ECE1: variants seen among roughly 807,000 people sequenced by gnomAD.
The protein encoded by ECE1 is endothelin-converting enzyme 1.
ECE1 carries 35 observed loss-of-function variants against 98.6 expected under a neutral mutation model. The observed-to-expected ratio is 0.35, with a 90% CI of 0.27 to 0.47. The LOEUF (loss-of-function observed/expected upper bound fraction) is 0.47, where lower values mean the gene tolerates loss of function less well. Among genes scored for constraint, ECE1 ranks in the 20% least tolerant of loss-of-function variants. The pLI is 1.00. For missense variants in ECE1, 814 were observed against 1,025.3 expected, an observed-to-expected ratio of 0.79 and a Z score of 2.81; for synonymous variants, 394 against 407.1, an observed-to-expected ratio of 0.97 and a Z score of 0.39.
chr1:21,342,667 T>C (rs1004357060), intron 1 of ECE1, among the ~76,000 whole-genome samples: 2 of 149,814 alleles, frequency 1.3e-5, no homozygotes, highest in African/African-American at 4.9e-5. Context: ...ACGCGCCGCA[T>C]TAGGAACCCA....
chr1:21,290,587 C>A (rs543707524), upstream of ECE1: 78 of 1,194,736 alleles, frequency 6.5e-5, no homozygotes, highest in African/African-American at 1.2e-3. The surrounding 1 kb of genome is among the most constrained non-coding windows in gnomAD (Gnocchi z 7.3). Context: ...GAGATGGGGA[C>A]CCCTCCCTTC....
At chr1:21,245,542 A>G (rs2098202242) in intron 9 of ECE1, among the ~76,000 whole-genome samples, 1 of 152,204 alleles carries the variant, frequency 6.6e-6, no homozygotes, top group African/African-American at 2.4e-5. Context: ...AGCTCAGCCC[A>G]GCCAGGCCAA....
rs71014186 is a variant in ECE1, at chr1:21,330,226, C to CTTTTTT, written c.3+15144_3+15149dup. 3.9e-4 allele frequency among the ~76,000 whole-genome samples: 17 copies of CTTTTTT among 43,404 alleles called. 3 individuals carry two copies. The highest frequency in any genetic ancestry group is 7.6e-4 in the Non-Finnish European group (15 of 19,678). The allele number at this position is 43,404 out of a possible 152,430, so 28.5% of individuals were successfully genotyped here. ...CTCCTGCCCACATACTCGCCAAATA[C>CTTTTTT]TTTTTTTTTTTTTTTTTTTTTTTTT... On this transcript the variant is annotated intron_variant, in intron 1 of 18. Coordinates refer to the ECE1 transcript ENST00000415912.
rs758955279 is a variant in ECE1, at chr1:21,233,683, C to T, written c.1567-22G>A. 37 of 1,607,746 alleles carry T rather than the reference C, an allele frequency of 2.3e-5. No individual in the cohort carries two copies. The highest frequency in any genetic ancestry group is 2.2e-4 in the Admixed American group (13 of 59,916). Reference sequence around the variant, plus strand: ...TGTACTAGAAAAGAAGAAGTGGAGTCAATCACAGTGTGCCCTCGGTGGTGT... The same window carrying T: ...TGTACTAGAAAAGAAGAAGTGGAGTTAATCACAGTGTGCCCTCGGTGGTGT... On this transcript the variant is annotated intron_variant, in intron 13 of 18. Coordinates refer to ENST00000374893, the MANE Select transcript of ECE1 (RefSeq NM_001397.3). The surrounding 1 kb of genome is among the most constrained non-coding windows in gnomAD (Gnocchi z 4.0).
intron 2 of ECE1, among the ~76,000 whole-genome samples, chr1:21,287,916 C>CT (rs1221814529): frequency 6.6e-6 from 1 of 151,712 alleles, no homozygotes; most frequent in Non-Finnish European, 1.5e-5. Context: ...ACTTGACTAT[C>CT]TTTTTTTCTC....
rs540408679 is a variant in ECE1, at chr1:21,228,844, CTTT to C, written c.1671-806_1671-804del. 9.3e-4 allele frequency among the ~76,000 whole-genome samples: 86 copies of C among 92,598 alleles called. 1 individual carries two copies. The highest frequency in any genetic ancestry group is 3.6e-3 in the African/African-American group (81 of 22,726). 60.7% of individuals were successfully genotyped at this position (92,598 alleles called of 152,430 possible). A position where few individuals can be genotyped will look rare whatever the true frequency, so the allele number is the denominator to read the frequency against. On this transcript the variant is annotated intron_variant, in intron 14 of 18. Coordinates refer to ENST00000374893, the MANE Select transcript of ECE1 (RefSeq NM_001397.3). ...TTGAAAAGTCACCACTGAAGAGTAT[CTTT>C]TTTTTTTTTTTTGAGACGGAGCTCA...
chr1:21,277,360 T>G (rs1444593764), intron 3 of ECE1, among the ~76,000 whole-genome samples: 1 of 152,210 alleles, frequency 6.6e-6, no homozygotes, highest in Admixed American at 6.5e-5. Flanking sequence ...AAGACATATC[T>G]TTGGAGCTCC....
At chr1:21,303,262 G>A (rs908607717) in intron 1 of ECE1, among the ~76,000 whole-genome samples, 2 of 152,224 alleles carry the variant, frequency 1.3e-5, no homozygotes, top group Admixed American at 1.3e-4. Flanking sequence ...CCGCCCAAGT[G>A]GCATAACCAT....
intron 10 of ECE1, among the ~76,000 whole-genome samples, chr1:21,244,064 G>C (rs567179648): frequency 6.6e-6 from 1 of 152,320 alleles, no homozygotes; most frequent in East Asian, 1.9e-4. Flanking sequence ...TCTGGGAAGG[G>C]CTGCAGGAGT....
At chr1:21,243,401 A>T (rs546243314) in intron 10 of ECE1, among the ~76,000 whole-genome samples, 147 of 44,450 alleles carry the variant, frequency 3.3e-3, no homozygotes, top group Non-Finnish European at 5.5e-3. Flanking sequence ...TAAATATATT[A>T]AAAAAAAAAA....
At chr1:21,249,041 T>C (rs1345964207) in intron 8 of ECE1, among the ~76,000 whole-genome samples, 1 of 152,050 alleles carries the variant, frequency 6.6e-6, no homozygotes, top group Admixed American at 6.6e-5. Flanking sequence ...TTCTAATTAT[T>C]GTTTTGTTAG....
At chr1:21,283,830 G>A (rs1209263254) in intron 2 of ECE1, among the ~76,000 whole-genome samples, 2 of 152,192 alleles carry the variant, frequency 1.3e-5, no homozygotes, top group African/African-American at 4.8e-5. Context: ...ATAGTTCCAG[G>A]CAAGAATGGC....
At chr1:21,279,069 C>T in intron 3 of ECE1, 122 bp downstream of exon 3, 1 of 1,556,662 alleles carries the variant, frequency 6.4e-7, no homozygotes, top group Non-Finnish European at 8.8e-7. Context: ...CCCCCTGGGC[C>T]TGGCTCCCTC....
At chr1:21,315,598 A>G (rs889036198) in intron 1 of ECE1, among the ~76,000 whole-genome samples, 2 of 152,132 alleles carry the variant, frequency 1.3e-5, no homozygotes, top group Admixed American at 1.3e-4. Flanking sequence ...GTTTGAGACC[A>G]GCCTGGCCAA....
In ECE1 at chr1:21,290,029, C is replaced by T. The variant is rs1488359489; in HGVS notation, c.138+41G>A. 3.8e-6 allele frequency: 5 copies of T among 1,332,618 alleles called. No homozygotes were observed. The highest frequency in any genetic ancestry group is 4.9e-6 in the Non-Finnish European group (5 of 1,030,732). 82.5% of individuals were successfully genotyped at this position (1,332,618 alleles called of 1,614,324 possible). A position where few individuals can be genotyped will look rare whatever the true frequency, so the allele number is the denominator to read the frequency against. On this transcript the variant is annotated intron_variant, in intron 2 of 18. Coordinates refer to ENST00000374893, the MANE Select transcript of ECE1 (RefSeq NM_001397.3). This position sits in a 1 kb window ranked among gnomAD's most constrained non-coding sequence, Gnocchi z 7.3. ...GCAGCGGCAGCGCGCATGCCCGGGC[C>T]CGGGGCGCCTGGACCTCGGGAGGGA...
rs560253148 is a variant in ECE1, at chr1:21,262,755, G to A, written c.494-2363C>T. On this transcript the variant is annotated intron_variant, in intron 4 of 18. Coordinates refer to ENST00000374893, the MANE Select transcript of ECE1 (RefSeq NM_001397.3). ...GGAGGGAGAAGGAATGCCTCCTTCAGACACAGCCTCCCTTGCTCCTTCGCT... is the reference window on the plus strand; with the variant it reads ...GGAGGGAGAAGGAATGCCTCCTTCAAACACAGCCTCCCTTGCTCCTTCGCT... Among the ~76,000 whole-genome samples, 4 of 152,374 alleles carry A rather than the reference G, an allele frequency of 2.6e-5. No individual in the cohort carries two copies. The South Asian group carries it at 8.3e-4, about 32-fold the overall frequency.
At chr1:21,323,490 T>C (rs1639006766) in intron 1 of ECE1, among the ~76,000 whole-genome samples, 2 of 152,106 alleles carry the variant, frequency 1.3e-5, no homozygotes. Context: ...CCAAGTGCAG[T>C]GTTCATGCCT....
At chr1:21,239,974 C>T (rs761584750) in intron 10 of ECE1, among the ~76,000 whole-genome samples, 10 of 151,908 alleles carry the variant, frequency 6.6e-5, no homozygotes, top group African/African-American at 9.7e-5. Context: ...AGTTCAAGAC[C>T]AGCCTGGCCA....
chr1:21,239,521 C>G (rs568681441), intron 10 of ECE1, among the ~76,000 whole-genome samples: 1 of 152,188 alleles, frequency 6.6e-6, no homozygotes, highest in Non-Finnish European at 1.5e-5. Flanking sequence ...TATTTTTATA[C>G]AGCAACATAC....
Sources: gnomAD v4.1 joint callset for allele counts (sites outside exome capture counted in the v4.1 genomes callset) on GRCh38, gnomAD v4.1.1 for gene constraint, Gnocchi (gnomAD v3.1) non-coding constraint, MANE v1.5 for transcripts, NCBI Gene and HGNC (gene_info 2026-07-23, HGNC 2026-07-21) for gene names.